GAB1: variants seen among roughly 807,000 people sequenced by gnomAD.
GAB1 encodes the protein GRB2 associated binding protein 1.
GAB1 carries 19 observed loss-of-function variants against 66.5 expected under a neutral mutation model. That is an observed-to-expected ratio of 0.29 (90% confidence interval 0.20 to 0.42). The LOEUF (loss-of-function observed/expected upper bound fraction) is 0.42. GAB1 is among the 10% of genes least tolerant of loss of function. GAB1 has a pLI of 1.00. For synonymous variants in GAB1, 294 were observed against 301.4 expected (o/e 0.98, Z 0.25); for missense variants, 732 against 858.5 (o/e 0.85, Z 1.84).
chr4:143,390,272 G>A (rs576443472), intron 1 of GAB1, among the ~76,000 whole-genome samples: 4 of 152,148 alleles, frequency 2.6e-5, no homozygotes, highest in African/African-American at 9.6e-5. Flanking sequence ...ATAAGATTAA[G>A]GGTGTTTGTG....
Position 143,433,705 on chromosome 4 carries a change from C to T in GAB1, c.582C>T (p.Pro194=), listed in dbSNP as rs141833843. The T allele has an allele frequency of 4.3e-4, 700 of 1,613,328 alleles. 1 individual carries two copies. Among genetic ancestry groups the T allele is most frequent in the Non-Finnish European group, 5.2e-4 (616 of 1,179,398 alleles). The change falls in exon 3 of 10, where the codon CCC becomes CCT. Residue 194 remains proline, a synonymous_variant. Transcript: ENST00000262994. ...TCATCAACTGTCAAAGCAAGAAGCC[C>T]GAACCCACCAGGTAAATTATATATG... ...LLLINCQSKK[P]EPTRTHADSA...
intron 1 of GAB1, among the ~76,000 whole-genome samples, chr4:143,412,149 C>T (rs965667116): frequency 1.3e-5 from 2 of 152,068 alleles, no homozygotes; most frequent in Admixed American, 6.5e-5. Flanking sequence ...AATGTGATTT[C>T]AACAGGGAAG....
At chr4:143,369,123 TAG>T (rs1452735701) in intron 1 of GAB1, among the ~76,000 whole-genome samples, 2 of 152,164 alleles carry the variant, frequency 1.3e-5, no homozygotes, top group African/African-American at 4.8e-5. Flanking sequence ...TATTTTTTAG[TAG>T]AGACGGGGTT....
intron 1 of GAB1, among the ~76,000 whole-genome samples, chr4:143,373,397 A>G (rs976642604): frequency 6.6e-6 from 1 of 152,216 alleles, no homozygotes; most frequent in African/African-American, 2.4e-5. Flanking sequence ...CTGTTTTAGT[A>G]TGACATTTCA....
At chr4:143,352,066 C>T (rs1729248673) in intron 1 of GAB1, among the ~76,000 whole-genome samples, 1 of 152,198 alleles carries the variant, frequency 6.6e-6, no homozygotes, top group Non-Finnish European at 1.5e-5. Flanking sequence ...CAAATTCTCT[C>T]TCCAAGGATC....
At chr4:143,430,018 T>A (rs1733567220) in intron 2 of GAB1, among the ~76,000 whole-genome samples, 2 of 152,202 alleles carry the variant, frequency 1.3e-5, no homozygotes, top group Non-Finnish European at 2.9e-5. Context: ...TTACTTCAGT[T>A]TTCTGTGAGT....
rs952154271 is a variant in GAB1, at chr4:143,424,154, A to T, written c.367+8383A>T. ...AACCACCTGAAAAAGTTATTTTAGT[A>T]GTTGCAGTGAAAAGCTAGAATTCAT... On this transcript the variant is annotated intron_variant, in intron 2 of 9. Transcript: ENST00000262994. Among the ~76,000 whole-genome samples, 5 of 152,320 alleles carry T rather than the reference A, an allele frequency of 3.3e-5. No homozygotes were observed. In the East Asian group the frequency reaches 9.7e-4, roughly 29 times the overall value.
At chr4:143,388,559 C>T (rs560343334) in intron 1 of GAB1, among the ~76,000 whole-genome samples, 7 of 152,162 alleles carry the variant, frequency 4.6e-5, no homozygotes, top group South Asian at 2.1e-4. Context: ...GCATTACAGA[C>T]GTGCGTCAAC....
intron 8 of GAB1, among the ~76,000 whole-genome samples, chr4:143,463,322 G>T (rs544725775): frequency 3.3e-5 from 5 of 151,758 alleles, no homozygotes; most frequent in Non-Finnish European, 5.9e-5. Context: ...AATTTTTAAA[G>T]AATTTTTTAA....
intron 1 of GAB1, among the ~76,000 whole-genome samples, chr4:143,341,781 C>T (rs1728831642): frequency 1.3e-5 from 2 of 152,154 alleles, no homozygotes; most frequent in Admixed American, 6.5e-5. Flanking sequence ...AGGAGAGGGG[C>T]GTGGGCAGGC....
chr4:143,433,448 G>A, intron 2 of GAB1, 43 bp from the exon 3 acceptor site: 3 of 1,443,628 alleles, frequency 2.1e-6, no homozygotes, highest in Middle Eastern at 1.8e-4. Flanking sequence ...TCCAAAAATT[G>A]TTTAACTGTG....
Position 143,438,107 on chromosome 4 carries a change from C to CT in GAB1, c.708dup (p.Gln237SerfsTer19). ...CCCAGAGCAAACATGGAATGAATGG[C>CT]TTTTTTCAGCAGCAAATGATATACG... is the stretch of plus-strand genomic sequence containing the variant. On this transcript the variant is annotated frameshift_variant, in exon 4 of 10. Transcript: ENST00000262994. LOFTEE classifies it high-confidence loss of function. 1.2e-6 allele frequency: 2 copies of CT among 1,613,996 alleles called. No homozygotes were observed. Among genetic ancestry groups the CT allele is most frequent in the Non-Finnish European group, 8.5e-7 (1 of 1,179,984 alleles).
chr4:143,426,910 CCTCT>C (rs949206660), intron 2 of GAB1, among the ~76,000 whole-genome samples: 5 of 152,060 alleles, frequency 3.3e-5, no homozygotes, highest in African/African-American at 4.8e-5. Flanking sequence ...AGATATTTCA[CCTCT>C]CTATGGTAAA....
chr4:143,345,118 G>A (rs572061510), intron 1 of GAB1, among the ~76,000 whole-genome samples: 2 of 152,178 alleles, frequency 1.3e-5, no homozygotes, highest in Non-Finnish European at 2.9e-5. Flanking sequence ...AAGGAATAGA[G>A]CTTCTAGAAG....
rs1376421067 is a variant in GAB1 at position 143,460,373 on chromosome 4, G to T, written c.1689G>T (p.Arg563Ser). The change falls in exon 8 of 10, where the codon AGG becomes AGT. Residue 563 changes from arginine (R) to serine (S), a missense_variant. Transcript: ENST00000262994. ...TAATTTCTGTAATTAGCTCTTCCAG[G>T]TTTCCCATGTCCCCCCGACCAGATT... ...ITRSFARDSS[R>S]FPMSPRPDSV... 1.9e-6 allele frequency: 3 copies of T among 1,613,450 alleles called. No individual in the cohort carries two copies. The highest frequency in any genetic ancestry group is 2.5e-6 in the Non-Finnish European group (3 of 1,179,700).
intron 6 of GAB1, among the ~76,000 whole-genome samples, chr4:143,457,228 GGCCTT>G (rs1735237541): frequency 6.6e-6 from 1 of 152,180 alleles, no homozygotes; most frequent in Non-Finnish European, 1.5e-5. Context: ...CAAGGACGTA[GGCCTT>G]CGGGCTTTCA....
Position 143,439,818 on chromosome 4 carries a change from C to G in GAB1, c.1212C>G (p.Asp404Glu), listed in dbSNP as rs759528377. The G allele has an allele frequency of 1.9e-6, 3 of 1,612,104 alleles. No individual in the cohort carries two copies. The highest frequency in any genetic ancestry group is 2.5e-6 in the Non-Finnish European group (3 of 1,178,344). ...NKLRKDASSQ[D>E]CYDIPRAFPS... The stretch of plus-strand genomic sequence containing the variant: ...TTATTTTAGATGCTAGTTCTCAAGA[C>G]TGCTATGATATTCCACGAGCATTTC... The change falls in exon 5 of 10, where the codon GAC becomes GAG. Residue 404 changes from aspartate to glutamate, a missense_variant. Around this residue, in one of 4 missense-constraint regions of GAB1, gnomAD observed 427 missense variants for 420.6 expected, o/e 1.02. Transcript: ENST00000262994.
At chr4:143,445,662 C>A (rs1734470421) in intron 6 of GAB1, among the ~76,000 whole-genome samples, 1 of 152,032 alleles carries the variant, frequency 6.6e-6, no homozygotes, top group South Asian at 2.1e-4. Flanking sequence ...TGCCTAGTTT[C>A]TTGAGGGTTA....
intron 1 of GAB1, among the ~76,000 whole-genome samples, chr4:143,373,997 T>G (rs979309719): frequency 2.0e-5 from 3 of 151,582 alleles, no homozygotes; most frequent in Non-Finnish European, 4.4e-5. Context: ...GCAAGCTCCA[T>G]GTAAGACTAC....
Sources: gnomAD v4.1 joint callset for allele counts (sites outside exome capture counted in the v4.1 genomes callset) on GRCh38, gnomAD v4.1.1 for gene constraint, gnomAD v4.1.1 regional missense constraint, MANE v1.5 for transcripts, NCBI Gene and HGNC (gene_info 2026-07-23, HGNC 2026-07-21) for gene names.